The following SVEP1 variants were observed in gnomAD, a reference collection of about 807,000 sequenced individuals.
The protein encoded by SVEP1 is sushi, von Willebrand factor type A, EGF and pentraxin domain-containing protein 1.
SVEP1 carries 164 observed loss-of-function variants against 367.3 expected under a neutral mutation model. The ratio of observed to expected loss-of-function variants is 0.45; its 90% CI spans 0.39 to 0.51. The LOEUF is 0.51. Ranked by LOEUF, SVEP1 falls within the 20% of genes least tolerant of loss-of-function variation. The probability of loss-of-function intolerance (pLI) is 0.00; values close to 1 mark genes in which losing one functional copy is unlikely to be tolerated. For synonymous variants in SVEP1, 1,666 were observed against 1,611.6 expected (o/e 1.03, Z -0.81); for missense variants, 4,117 against 4,425.3 (o/e 0.93, Z 1.98).
At chr9:110,569,288 C>G (rs1830527063) in intron 1 of SVEP1, among the ~76,000 whole-genome samples, 1 of 151,858 alleles carries the variant, frequency 6.6e-6, no homozygotes, top group Non-Finnish European at 1.5e-5. Context: ...GAAACCCCGT[C>G]TCTACTAAAA....
intron 1 of SVEP1, among the ~76,000 whole-genome samples, chr9:110,550,403 ACTT>A (rs1382171295): frequency 1.3e-5 from 2 of 152,130 alleles, no homozygotes; most frequent in Non-Finnish European, 2.9e-5. Context: ...CAATATTATC[ACTT>A]ATTATTATAT....
Position 110,415,457 on chromosome 9 carries a change from C to A in SVEP1, c.5976-3722G>T, listed in dbSNP as rs188613634. ...CAAGGGAGGAGACAGTTAAGAGGGA[C>A]TGGAGAAGGAAATAAACTTTAATAC... On this transcript the variant is annotated intron_variant, in intron 36 of 47. Transcript: ENST00000374469. 5.0e-4 allele frequency among the ~76,000 whole-genome samples: 76 copies of A among 152,032 alleles called. 1 individual carries two copies. Among genetic ancestry groups the A allele is most frequent in the Non-Finnish European group, 8.8e-4 (60 of 68,018 alleles).
At chr9:110,546,368 A>C (rs1292656349) in intron 2 of SVEP1, 77 bp from the exon 3 acceptor site, 2 of 1,454,878 alleles carry the variant, frequency 1.4e-6, no homozygotes, top group Non-Finnish European at 1.9e-6. Flanking sequence ...TTAAAATTTA[A>C]GTGCAAGCTG....
Position 110,451,318 on chromosome 9 carries a change from T to C in SVEP1, c.3872A>G (p.Tyr1291Cys), listed in dbSNP as rs766134148. 2.5e-6 allele frequency: 4 copies of C among 1,613,708 alleles called. No homozygotes were observed. The African/African-American group carries it at 5.3e-5, about 22-fold the overall frequency. ...AAATCCTTTCACACATGTGCAACGA[T>C]AGCCAGCCACACCATCAACACAGAT... ...KGICVDGVAG[Y>C]RCTCVKGFVG... The change falls in exon 23 of 48, where the codon TAT (tyrosine) becomes TGT (cysteine). Residue 1291 changes from tyrosine to cysteine, a missense_variant. By Grantham distance (194) the Tyr-to-Cys change is radical. Transcript: ENST00000374469.
intron 3 of SVEP1, among the ~76,000 whole-genome samples, chr9:110,514,882 G>C (rs1387612265): frequency 6.6e-6 from 1 of 152,148 alleles, no homozygotes; most frequent in Non-Finnish European, 1.5e-5. Context: ...CTGCAGATAC[G>C]CAAAAAGCAC....
intron 1 of SVEP1, among the ~76,000 whole-genome samples, chr9:110,553,760 A>G (rs1588106090): frequency 1.3e-5 from 2 of 152,204 alleles, no homozygotes; most frequent in South Asian, 4.1e-4. Context: ...AGACTAGAAC[A>G]GTGCTTGACA....
At chr9:110,495,963 T>C (rs376190747) in intron 8 of SVEP1, among the ~76,000 whole-genome samples, 1 of 152,212 alleles carries the variant, frequency 6.6e-6, no homozygotes, top group African/African-American at 2.4e-5. Context: ...TCCACATCTT[T>C]TCTTTTCTTA....
intron 2 of SVEP1, among the ~76,000 whole-genome samples, chr9:110,549,243 A>C (rs1212940505): frequency 6.6e-6 from 1 of 152,086 alleles, no homozygotes; most frequent in East Asian, 1.9e-4. Flanking sequence ...ATTATAATGT[A>C]TAATTATGAT....
At chr9:110,498,820 C>A (rs1829489275) in intron 7 of SVEP1, among the ~76,000 whole-genome samples, 1 of 152,066 alleles carries the variant, frequency 6.6e-6, no homozygotes, top group Non-Finnish European at 1.5e-5. Flanking sequence ...CTACTATTTT[C>A]CTTATTTGTG....
intron 5 of SVEP1, among the ~76,000 whole-genome samples, chr9:110,508,849 TAGG>T (rs1314491408): frequency 7.3e-5 from 11 of 150,312 alleles, no homozygotes; most frequent in South Asian, 2.1e-4. Context: ...GAAAAGTGCA[TAGG>T]AGAAGTGAGA....
intron 8 of SVEP1, among the ~76,000 whole-genome samples, chr9:110,495,391 G>C (rs892801274): frequency 2.2e-4 from 33 of 152,074 alleles, no homozygotes; most frequent in African/African-American, 7.7e-4. Flanking sequence ...TAATCTCAAG[G>C]GTCCTTATAA....
rs1326407901 is a variant in SVEP1, at chr9:110,450,201, C to T, written c.3961G>A (p.Val1321Ile). ...CQSNPCLNNA[V>I]CEDQVGGFLC... The stretch of plus-strand genomic sequence containing the variant: ...AATCCCCCAACCTGGTCTTCACAGA[C>T]TGCATTATTTAAGCATGGGTTTGAC... The change falls in exon 24 of 48, where the codon GTC (valine) becomes ATC (isoleucine). Residue 1321 changes from valine (V) to isoleucine (I), a missense_variant. Physicochemically the swap from Val to Ile is conservative, Grantham distance 29 (BLOSUM62 3). This residue lies in a region of SVEP1 where 2,174 missense variants were observed against 2,494.3 expected (regional missense o/e 0.87). Coordinates refer to ENST00000374469, the MANE Select transcript of SVEP1 (RefSeq NM_153366.4). The T allele has an allele frequency of 3.1e-6, 5 of 1,613,774 alleles. No homozygotes were observed. Among genetic ancestry groups the T allele is most frequent in the Middle Eastern group, 1.6e-4 (1 of 6,082 alleles).
intron 36 of SVEP1, among the ~76,000 whole-genome samples, chr9:110,424,309 A>G (rs1379450783): frequency 6.6e-6 from 1 of 151,892 alleles, no homozygotes; most frequent in Non-Finnish European, 1.5e-5. Flanking sequence ...TATCAGTGAA[A>G]ATAAATTCAG....
chr9:110,397,570 G>T (rs1468299937), intron 40 of SVEP1, among the ~76,000 whole-genome samples: 1 of 152,196 alleles, frequency 6.6e-6, no homozygotes, highest in Non-Finnish European at 1.5e-5. Context: ...GTTTGCAGAT[G>T]ACATGATTGT....
In SVEP1 at chr9:110,503,214, C is replaced by T. The variant is rs1829566836; in HGVS notation, c.1307G>A (p.Arg436Lys). The change falls in exon 6 of 48, where the codon AGA (arginine) becomes AAA (lysine). Residue 436 changes from arginine (R) to lysine (K), a missense_variant. Transcript: ENST00000374469. Reference sequence around the variant, plus strand: ...CGGCTGGCGGAGATGAGGACATGTTCTTACTATGTAAAATGAAAGCAATTA... The same window carrying T: ...CGGCTGGCGGAGATGAGGACATGTTTTTACTATGTAAAATGAAAGCAATTA... Reference protein sequence around the residue: ...WSGSESYCRVRTCPHLRQPKH... With the variant: ...WSGSESYCRVKTCPHLRQPKH... 2.5e-6 allele frequency: 4 copies of T among 1,605,506 alleles called. No individual in the cohort carries two copies. Among genetic ancestry groups the T allele is most frequent in the Non-Finnish European group, 3.4e-6 (4 of 1,177,546 alleles).
intron 31 of SVEP1, 62 bp from the exon 32 acceptor site, chr9:110,432,096 T>C (rs1229134048): frequency 3.3e-6 from 5 of 1,521,256 alleles, no homozygotes; most frequent in East Asian, 2.3e-5. Flanking sequence ...ATCAAACATC[T>C]GTTTTTACTT....
At chr9:110,419,287 G>C (rs1015931804) in intron 36 of SVEP1, among the ~76,000 whole-genome samples, 2 of 6,218 alleles carry the variant, frequency 3.2e-4, no homozygotes, top group Admixed American at 2.8e-3. Context: ...CAAGCCAATG[G>C]AAAACAAAAA....
intron 28 of SVEP1, among the ~76,000 whole-genome samples, chr9:110,435,974 G>C (rs1828425686): frequency 6.6e-6 from 1 of 151,978 alleles, no homozygotes; most frequent in African/African-American, 2.4e-5. Flanking sequence ...ACTCTAGGCT[G>C]GTTTTAGCCA....
chr9:110,488,344 T>C (rs1034328122), intron 9 of SVEP1, among the ~76,000 whole-genome samples: 50 of 152,136 alleles, frequency 3.3e-4, no homozygotes, highest in Admixed American at 3.9e-4. Context: ...ATGGGAGTTG[T>C]TGGTTAACAA....
Sources: allele counts gnomAD v4.1 joint callset (sites outside exome capture counted in the v4.1 genomes callset), GRCh38; gene constraint gnomAD v4.1.1; regional missense constraint gnomAD v4.1.1; transcripts MANE v1.5; gene names NCBI Gene and HGNC (gene_info 2026-07-23, HGNC 2026-07-21).